Variants in ROBO2 observed in about 807,000 individuals in gnomAD.
ROBO2 encodes the protein roundabout guidance receptor 2, also known as roundabout homolog 2.
A neutral mutation model predicts 160.8 loss-of-function variants in ROBO2; 53 were observed. The ratio of observed to expected loss-of-function variants is 0.33; its 90% confidence interval spans 0.26 to 0.41. The LOEUF (loss-of-function observed/expected upper bound fraction) is 0.41. Among genes scored for constraint, ROBO2 ranks in the 10% least tolerant of loss-of-function variants. The probability of loss-of-function intolerance (pLI) is 1.00; values close to 1 mark genes in which losing one functional copy is unlikely to be tolerated. For missense variants in ROBO2, 1,577 were observed against 1,722.4 expected, an observed-to-expected ratio of 0.92 and a Z score of 1.49; for synonymous variants, 664 against 611.7, an observed-to-expected ratio of 1.09 and a Z score of -1.26.
At chr3:76,409,561 C>T (rs72898575) in intron 2 of ROBO2, among the ~76,000 whole-genome samples, 7,592 of 152,082 alleles carry the variant, frequency 0.05, 472 homozygotes, top group African/African-American at 0.15. Context: ...TTTAAGTTCT[C>T]ACCAGATATA....
intron 2 of ROBO2, among the ~76,000 whole-genome samples, chr3:76,443,007 G>T (rs191744931): frequency 6.6e-6 from 1 of 152,070 alleles, no homozygotes; most frequent in African/African-American, 2.4e-5. Context: ...TCACAGTTTT[G>T]CAGGCTTTAC....
chr3:76,154,568 G>A (rs2072331977), intron 2 of ROBO2, among the ~76,000 whole-genome samples: 1 of 152,090 alleles, frequency 6.6e-6, no homozygotes, highest in Admixed American at 6.5e-5. Flanking sequence ...TGTCAGCTGA[G>A]CCAGTTCCAG....
intron 2 of ROBO2, among the ~76,000 whole-genome samples, chr3:77,150,820 A>C (rs906716053): frequency 2.0e-5 from 3 of 152,100 alleles, no homozygotes; most frequent in Admixed American, 2.0e-4. Context: ...AGCAAAGCAA[A>C]TAAAACAAAA....
At chr3:77,462,928 C>T (rs2082389790) in intron 2 of ROBO2, among the ~76,000 whole-genome samples, 1 of 152,168 alleles carries the variant, frequency 6.6e-6, no homozygotes, top group African/African-American at 2.4e-5. Flanking sequence ...CTCGCTCCTC[C>T]AAAAAGCCTT....
At chr3:77,562,615 GA>G (rs755180661) in intron 9 of ROBO2, 35 bp from the exon 11 acceptor site, 3 of 1,464,304 alleles carry the variant, frequency 2.0e-6, no homozygotes, top group Non-Finnish European at 2.9e-6. Flanking sequence ...CAAATTGACT[GA>G]AACAATTTAA....
chr3:77,587,874 A>G (rs775735), intron 16 of ROBO2, among the ~76,000 whole-genome samples: 95,493 of 151,844 alleles, frequency 0.63, 30,237 homozygotes, highest in Middle Eastern at 0.73. Context: ...AATTCCCAGC[A>G]TCTACATTTC....
intron 2 of ROBO2, among the ~76,000 whole-genome samples, chr3:76,206,082 G>GCT (rs1156260159): frequency 3.3e-5 from 5 of 152,056 alleles, no homozygotes; most frequent in African/African-American, 1.2e-4. Flanking sequence ...ATACTTCTCT[G>GCT]CTCTCTCTCT....
chr3:77,480,762 T>G (rs2084591267), intron 3 of ROBO2, among the ~76,000 whole-genome samples: 1 of 152,122 alleles, frequency 6.6e-6, no homozygotes, highest in Non-Finnish European at 1.5e-5. Flanking sequence ...TAGTATTTCT[T>G]TCTGATGACA....
chr3:77,468,367 A>T (rs2083002832), intron 2 of ROBO2, among the ~76,000 whole-genome samples: 1 of 152,212 alleles, frequency 6.6e-6, no homozygotes, highest in Admixed American at 6.5e-5. Context: ...GCAGTGCCAC[A>T]TGTGATCCAA....
chr3:76,871,525 G>A (rs1161597687), intron 2 of ROBO2, among the ~76,000 whole-genome samples: 1 of 144,820 alleles, frequency 6.9e-6, no homozygotes, highest in Non-Finnish European at 1.5e-5. Context: ...CTGCACTCCA[G>A]CCTGGGCGAC....
chr3:76,037,237 A>G (rs189922702), intron 2 of ROBO2, among the ~76,000 whole-genome samples: 9 of 151,654 alleles, frequency 5.9e-5, no homozygotes, highest in Admixed American at 4.6e-4. Flanking sequence ...CTAAATTAAA[A>G]ATGCATGTAC....
intron 2 of ROBO2, among the ~76,000 whole-genome samples, chr3:77,403,896 G>C (rs368160327): frequency 3.3e-5 from 5 of 151,846 alleles, no homozygotes; most frequent in East Asian, 1.9e-4. Context: ...TTGGCACTCT[G>C]TTCTCAAGCC....
intron 2 of ROBO2, among the ~76,000 whole-genome samples, chr3:77,378,903 A>C (rs2073054890): frequency 6.6e-6 from 1 of 151,516 alleles, no homozygotes; most frequent in Non-Finnish European, 1.5e-5. Flanking sequence ...GGCATGCGTA[A>C]CAAGTCAAGA....
intron 2 of ROBO2, among the ~76,000 whole-genome samples, chr3:77,334,965 C>A (rs533659765): frequency 7.9e-5 from 12 of 152,166 alleles, no homozygotes; most frequent in African/African-American, 2.6e-4. Context: ...GAAATGTGGA[C>A]CTTTGCAAAG....
chr3:76,752,955 A>C (rs1031463834), intron 2 of ROBO2, among the ~76,000 whole-genome samples: 1 of 151,990 alleles, frequency 6.6e-6, no homozygotes, highest in Non-Finnish European at 1.5e-5. Context: ...TTGCCCAATG[A>C]AGAATTCATA....
chr3:76,469,540 C>T (rs778252041), intron 2 of ROBO2, among the ~76,000 whole-genome samples: 3 of 152,164 alleles, frequency 2.0e-5, no homozygotes, highest in Non-Finnish European at 2.9e-5. Context: ...TGAGCCTTAA[C>T]GCATACTGTC....
intron 2 of ROBO2, among the ~76,000 whole-genome samples, chr3:76,746,330 G>C (rs2093891208): frequency 1.3e-5 from 2 of 151,762 alleles, no homozygotes; most frequent in Non-Finnish European, 2.9e-5. Context: ...ATGATTTATA[G>C]TCCTTTGGGT....
chr3:77,205,927 A>T (rs1245399445), intron 2 of ROBO2, among the ~76,000 whole-genome samples: 1 of 152,094 alleles, frequency 6.6e-6, no homozygotes, highest in Non-Finnish European at 1.5e-5. Context: ...GTGGCTTAAA[A>T]CAACAGAAAT....
chr3:76,899,453 A>G (rs1290975187), intron 2 of ROBO2, among the ~76,000 whole-genome samples: 2 of 152,120 alleles, frequency 1.3e-5, no homozygotes, highest in Non-Finnish European at 2.9e-5. Context: ...TCTTACAGGG[A>G]CTTATGTCTT....
Sources: gnomAD v4.1 joint callset for allele counts (sites outside exome capture counted in the v4.1 genomes callset) on GRCh38, gnomAD v4.1.1 for gene constraint, MANE v1.5 for transcripts, NCBI Gene and HGNC (gene_info 2026-07-23, HGNC 2026-07-21) for gene names.